Variants in TOP2B observed in about 807,000 individuals in gnomAD.
The protein encoded by TOP2B is DNA topoisomerase 2-beta.
TOP2B carries 51 observed loss-of-function variants against 193.5 expected under a neutral mutation model. The observed-to-expected ratio is 0.26, with a 90% CI of 0.21 to 0.33. The LOEUF is 0.33. Among genes scored for constraint, TOP2B ranks in the 10% least tolerant of loss-of-function variants. The pLI is 1.00. For synonymous variants in TOP2B, 634 were observed against 635.7 expected (o/e 1.00, Z 0.04); for missense variants, 1,378 against 1,909.3 (o/e 0.72, Z 5.19).
intron 25 of TOP2B, among the ~76,000 whole-genome samples, chr3:25,616,187 C>A (rs1299087861): frequency 6.6e-6 from 1 of 151,618 alleles, no homozygotes; most frequent in South Asian, 2.1e-4. Flanking sequence ...ATTCATCAGG[C>A]CCTTGTCTAT....
chr3:25,638,383 A>G (rs1022552350), intron 4 of TOP2B, 73 bp from the exon 5 acceptor site: 192 of 1,369,742 alleles, frequency 1.4e-4, no homozygotes, highest in Non-Finnish European at 1.7e-4. Context: ...TAGTAAAGAT[A>G]AATTAATTCA....
chr3:25,657,708 C>T (rs1450986318), intron 1 of TOP2B, among the ~76,000 whole-genome samples: 2 of 152,136 alleles, frequency 1.3e-5, no homozygotes, highest in African/African-American at 2.4e-5. Flanking sequence ...ATATCATGTT[C>T]TATAGCAATT....
chr3:25,634,094 T>C, intron 7 of TOP2B, 80 bp from the exon 8 acceptor site: 1 of 1,045,502 alleles, frequency 9.6e-7, no homozygotes, highest in Non-Finnish European at 1.4e-6. Flanking sequence ...GTACGTATAC[T>C]TTCATTTCCT....
Position 25,648,213 on chromosome 3 carries a change from A to G in TOP2B, c.70-2743T>C, listed in dbSNP as rs143641584. On this transcript the variant is annotated intron_variant, in intron 1 of 35. Coordinates refer to ENST00000264331, the MANE Select transcript of TOP2B (RefSeq NM_001330700.2). ...CAAAAGCAAAGTGCTTTGGTTTAGC[A>G]TCAGACCCTGCAGTATCAGAAACAG... 1.2e-3 allele frequency among the ~76,000 whole-genome samples: 182 copies of G among 152,338 alleles called. 1 individual carries two copies. Among genetic ancestry groups the G allele is most frequent in the African/African-American group, 4.0e-3 (166 of 41,560 alleles).
chr3:25,632,249 T>C (rs1023493154), intron 10 of TOP2B, among the ~76,000 whole-genome samples, 197 bp downstream of exon 10: 1 of 152,014 alleles, frequency 6.6e-6, no homozygotes, highest in African/African-American at 2.4e-5. Flanking sequence ...CTTTAGTTCT[T>C]GGCAAAACAA....
intron 1 of TOP2B, among the ~76,000 whole-genome samples, chr3:25,663,485 T>C (rs1463520310): frequency 6.6e-6 from 1 of 152,192 alleles, no homozygotes; most frequent in Admixed American, 6.5e-5. Flanking sequence ...TCCGCTGCAG[T>C]TACTTCTACT....
At position 25,619,827 on chromosome 3, in the gene TOP2B, G is replaced by T. The variant is rs762017244; in HGVS notation, c.3063+35C>A. The T allele has an allele frequency of 2.0e-6, 3 of 1,476,518 alleles. No individual in the cohort carries two copies. In the South Asian group the frequency reaches 3.4e-5, roughly 17 times the overall value. 91.5% of individuals were successfully genotyped at this position (1,476,518 alleles called of 1,614,324 possible). On this transcript the variant is annotated intron_variant, in intron 23 of 35. Coordinates refer to ENST00000264331, the MANE Select transcript of TOP2B (RefSeq NM_001330700.2). ...TAATAATCCGACTTATACCATGCAA[G>T]AAAGATTAAATTAACAGTAAATCTA...
Position 25,620,668 on chromosome 3 carries a change from A to G in TOP2B, c.2862+14T>C, listed in dbSNP as rs145741583. On this transcript the variant is annotated intron_variant, in intron 22 of 35. Transcript: ENST00000264331. ...ACTGCCCTTCCCTCAGGCAGATCACATATTTACACTGACCTGTGTCCAAGT... is the reference window on the plus strand; with the variant it reads ...ACTGCCCTTCCCTCAGGCAGATCACGTATTTACACTGACCTGTGTCCAAGT... The G allele has an allele frequency of 4.1e-4, 653 of 1,608,028 alleles. No homozygotes were observed. The African/African-American group carries it at 6.8e-3, about 17-fold the overall frequency.
chr3:25,640,782 G>T (rs1480364978), intron 4 of TOP2B, among the ~76,000 whole-genome samples: 9 of 144,026 alleles, frequency 6.2e-5, no homozygotes, highest in Non-Finnish European at 1.2e-4. Flanking sequence ...TTTTGAGATG[G>T]GGTCTCGCTC....
intron 15 of TOP2B, among the ~76,000 whole-genome samples, chr3:25,628,078 AC>A (rs1431924294): frequency 2.0e-5 from 3 of 150,438 alleles, no homozygotes; most frequent in East Asian, 2.0e-4. Flanking sequence ...TTAAAAAAAA[AC>A]GAAATAAAAA....
chr3:25,624,342 C>A lies in TOP2B; in HGVS notation c.2450G>T (p.Gly817Val). 1 of 1,613,928 alleles carries A rather than the reference C, an allele frequency of 6.2e-7. No homozygotes were observed. Among genetic ancestry groups the A allele is most frequent in the Non-Finnish European group, 8.5e-7 (1 of 1,179,852 alleles). Reference sequence around the variant, plus strand: ...ACGAGGGCTTGCAGCATCTTTGCCACCATGAAGCCGAGTTCCAAACTGACC... The same window carrying A: ...ACGAGGGCTTGCAGCATCTTTGCCAACATGAAGCCGAGTTCCAAACTGACC... The part of the protein sequence containing the change: ...PIGQFGTRLH[G>V]GKDAASPRYI... The change falls in exon 20 of 36, where the codon GGT becomes GTT. Residue 817 changes from glycine (G) to valine (V), a missense_variant. Gly to Val is a moderately radical substitution (Grantham distance 109). Around this residue, in one of 9 missense-constraint regions of TOP2B, gnomAD observed 379 missense variants for 615.1 expected, o/e 0.62. Coordinates refer to ENST00000264331, the MANE Select transcript of TOP2B (RefSeq NM_001330700.2).
Position 25,624,647 on chromosome 3 carries a change from T to C in TOP2B, c.2346+35A>G, listed in dbSNP as rs575096522. On this transcript the variant is annotated intron_variant, in intron 19 of 35. Transcript: ENST00000264331. ...AATTATCATTCTTCAAGACAATAAT[T>C]ACAGTTCTCAATTGATTCCAATCTT... 70 of 1,607,456 alleles carry C rather than the reference T, an allele frequency of 4.4e-5. No homozygotes were observed. In the South Asian group the frequency reaches 5.6e-4, roughly 13 times the overall value.
At chr3:25,600,942 C>T (rs1702075893) in intron 34 of TOP2B, among the ~76,000 whole-genome samples, 158 bp downstream of exon 34, 1 of 152,170 alleles carries the variant, frequency 6.6e-6, no homozygotes, top group Non-Finnish European at 1.5e-5. Flanking sequence ...CTCCTTTGGA[C>T]TATATTCAGC....
intron 20 of TOP2B, 67 bp downstream of exon 20, chr3:25,624,230 T>C: frequency 7.1e-6 from 11 of 1,554,162 alleles, no homozygotes; most frequent in Non-Finnish European, 9.7e-6. Context: ...TATAATTCCA[T>C]CGAACATTTA....
chr3:25,617,956 T>A (rs899621390), intron 25 of TOP2B, among the ~76,000 whole-genome samples: 3 of 152,222 alleles, frequency 2.0e-5, no homozygotes, highest in African/African-American at 4.8e-5. Context: ...TGATAAATAC[T>A]GTCTATAATA....
At chr3:25,622,142 T>A (rs187253443) in intron 21 of TOP2B, among the ~76,000 whole-genome samples, 1 of 152,332 alleles carries the variant, frequency 6.6e-6, no homozygotes, top group East Asian at 1.9e-4. Flanking sequence ...TTTTCAAAGA[T>A]AAAAACCATA....
At chr3:25,616,435 T>C (rs1354638525) in intron 25 of TOP2B, among the ~76,000 whole-genome samples, 2 of 149,622 alleles carry the variant, frequency 1.3e-5, no homozygotes, top group African/African-American at 2.4e-5. Flanking sequence ...AAAAGCTTTA[T>C]AATTAAAATT....
At chr3:25,605,644 A>G (rs1431538307) in intron 32 of TOP2B, among the ~76,000 whole-genome samples, 1 of 152,132 alleles carries the variant, frequency 6.6e-6, no homozygotes, top group Non-Finnish European at 1.5e-5. Context: ...TTAATCTCTC[A>G]GGTAACAACC....
chr3:25,613,805 C>T (rs1702439743), intron 27 of TOP2B, among the ~76,000 whole-genome samples: 1 of 151,892 alleles, frequency 6.6e-6, no homozygotes, highest in Admixed American at 6.6e-5. Flanking sequence ...CCTGTGATCC[C>T]CATTTTATAG....
Sources: allele counts gnomAD v4.1 joint callset (sites outside exome capture counted in the v4.1 genomes callset), GRCh38; gene constraint gnomAD v4.1.1; regional missense constraint gnomAD v4.1.1; transcripts MANE v1.5; gene names NCBI Gene and HGNC (gene_info 2026-07-23, HGNC 2026-07-21).